Variants in CACNA2D3 observed in about 807,000 individuals in gnomAD.
CACNA2D3 encodes calcium voltage-gated channel auxiliary subunit alpha2delta 3.
In CACNA2D3, 60 loss-of-function variants were observed where a neutral mutation model predicts 160.6. The ratio of observed to expected loss-of-function variants is 0.37; its 90% CI spans 0.30 to 0.46. The LOEUF (loss-of-function observed/expected upper bound fraction) is 0.46. Among genes scored for constraint, CACNA2D3 ranks in the 20% least tolerant of loss-of-function variants. The probability of loss-of-function intolerance (pLI) is 1.00; values close to 1 mark genes in which losing one functional copy is unlikely to be tolerated. For missense variants in CACNA2D3, 1,205 were observed against 1,365.0 expected, an observed-to-expected ratio of 0.88 and a Z score of 1.85; for synonymous variants, 558 against 492.9, an observed-to-expected ratio of 1.13 and a Z score of -1.75.
At chr3:54,911,111 C>T (rs940716355) in intron 27 of CACNA2D3, among the ~76,000 whole-genome samples, 1 of 152,130 alleles carries the variant, frequency 6.6e-6, no homozygotes, top group African/African-American at 2.4e-5. Flanking sequence ...ATAAATACGT[C>T]AGCCTACATC....
intron 3 of CACNA2D3, among the ~76,000 whole-genome samples, chr3:54,383,554 T>C (rs770150214): frequency 2.2e-4 from 33 of 152,200 alleles, no homozygotes; most frequent in Non-Finnish European, 4.4e-4. Context: ...GGAAAAAATA[T>C]CTTCATGGAT....
At chr3:54,747,325 G>T (rs1317695697) in intron 11 of CACNA2D3, among the ~76,000 whole-genome samples, 1 of 152,102 alleles carries the variant, frequency 6.6e-6, no homozygotes, top group African/African-American at 2.4e-5. Context: ...GACTCTCACT[G>T]CCCTGGCCAG....
rs1374306103 is a variant in CACNA2D3 at position 54,826,770 on chromosome 3, A to G, written c.1398+9900A>G. Among the ~76,000 whole-genome samples, 21 of 150,862 alleles carry G rather than the reference A, an allele frequency of 1.4e-4. No individual in the cohort carries two copies. In the Admixed American group the frequency reaches 1.4e-3, roughly 10 times the overall value. ...CACCCCCACCAACTGCTTTCATATT[A>G]TTTAACTGTTAAGACCAAGATATTT... On this transcript the variant is annotated intron_variant, in intron 14 of 37. Coordinates refer to ENST00000474759, the MANE Select transcript of CACNA2D3 (RefSeq NM_018398.3).
intron 3 of CACNA2D3, among the ~76,000 whole-genome samples, chr3:54,332,104 T>C (rs532847610): frequency 1.3e-5 from 2 of 152,310 alleles, no homozygotes; most frequent in Non-Finnish European, 2.9e-5. Flanking sequence ...AACTTCGTTC[T>C]AGAAAGAAAG....
chr3:54,866,798 C>T (rs1157327351), intron 17 of CACNA2D3, among the ~76,000 whole-genome samples: 2 of 152,230 alleles, frequency 1.3e-5, no homozygotes, highest in Non-Finnish European at 2.9e-5. Flanking sequence ...CTCTGTGCTG[C>T]AGGCAAGTCC....
chr3:54,702,260 G>C (rs1217488840), intron 11 of CACNA2D3, among the ~76,000 whole-genome samples: 2 of 152,050 alleles, frequency 1.3e-5, no homozygotes, highest in East Asian at 3.9e-4. Context: ...TTGACAAGTG[G>C]GACCTAACTA....
At chr3:54,506,196 C>T (rs1470750400) in intron 5 of CACNA2D3, among the ~76,000 whole-genome samples, 1 of 152,060 alleles carries the variant, frequency 6.6e-6, no homozygotes, top group African/African-American at 2.4e-5. Flanking sequence ...CCTTTTCAAG[C>T]TGCAGGAATA....
intron 4 of CACNA2D3, among the ~76,000 whole-genome samples, chr3:54,489,185 A>C (rs1208417970): frequency 1.3e-5 from 2 of 152,076 alleles, no homozygotes; most frequent in South Asian, 2.1e-4. Context: ...TCCTAAGAGC[A>C]GGAAAAAGTC....
chr3:54,575,293 A>G (rs1047561491), intron 8 of CACNA2D3, among the ~76,000 whole-genome samples: 7 of 151,834 alleles, frequency 4.6e-5, no homozygotes, highest in Non-Finnish European at 4.4e-5. Context: ...ATTTAATTCT[A>G]TGGGTTTTTT....
At chr3:54,477,566 C>A (rs559028689) in intron 4 of CACNA2D3, among the ~76,000 whole-genome samples, 1 of 152,234 alleles carries the variant, frequency 6.6e-6, no homozygotes, top group Admixed American at 6.5e-5. Flanking sequence ...ATTAATCATT[C>A]CCAGAGTTTT....
chr3:54,458,433 G>A (rs1055425740), intron 4 of CACNA2D3, among the ~76,000 whole-genome samples: 3 of 149,342 alleles, frequency 2.0e-5, no homozygotes, highest in Non-Finnish European at 4.4e-5. Flanking sequence ...CAGCTTTTGG[G>A]TATATTTTCT....
At chr3:54,628,836 G>A (rs555659735) in intron 10 of CACNA2D3, among the ~76,000 whole-genome samples, 10 of 152,070 alleles carry the variant, frequency 6.6e-5, no homozygotes, top group South Asian at 4.2e-4. Flanking sequence ...TGACATCAGC[G>A]CCGAGTCACT....
chr3:54,605,029 C>CT (rs948090994), intron 9 of CACNA2D3, among the ~76,000 whole-genome samples: 118 of 152,246 alleles, frequency 7.8e-4, no homozygotes, highest in African/African-American at 2.5e-3. Flanking sequence ...GTAGAGGAAT[C>CT]TTTTTTGGCC....
intron 8 of CACNA2D3, among the ~76,000 whole-genome samples, chr3:54,575,919 TA>T (rs1397544151): frequency 6.8e-4 from 103 of 151,986 alleles, no homozygotes; most frequent in African/African-American, 2.4e-3. Flanking sequence ...CTGGATCACA[TA>T]GGGGGGTGGG....
intron 11 of CACNA2D3, among the ~76,000 whole-genome samples, chr3:54,709,062 T>A (rs1700907023): frequency 6.6e-6 from 1 of 150,994 alleles, no homozygotes; most frequent in Non-Finnish European, 1.5e-5. Flanking sequence ...TAGGCTAGAG[T>A]GCAATGACTC....
chr3:54,132,675 A>G (rs1699736196), intron 2 of CACNA2D3, among the ~76,000 whole-genome samples: 3 of 152,222 alleles, frequency 2.0e-5, no homozygotes, highest in Non-Finnish European at 4.4e-5. Flanking sequence ...AAAAATATGT[A>G]TACTTAGAAA....
chr3:54,335,444 G>T (rs1299291588), intron 3 of CACNA2D3, among the ~76,000 whole-genome samples: 2 of 152,210 alleles, frequency 1.3e-5, no homozygotes, highest in Non-Finnish European at 2.9e-5. Context: ...ACCATATAGG[G>T]TAACTTCCTG....
In CACNA2D3 at chr3:54,885,528, T is replaced by C. The variant is rs185744502; in HGVS notation, c.1998T>C (p.His666=). The C allele has an allele frequency of 2.0e-5, 33 of 1,613,818 alleles. No individual in the cohort carries two copies. The East Asian group carries it at 4.0e-4, about 20-fold the overall frequency. ...CNTDLHPEHR[H]LSQLEAIKLY... ...CTGACCTACACCCTGAGCACCGCCA[T>C]CTGTCTCAGTTAGAAGCGATTAAGC... The change falls in exon 23 of 38, where the codon CAT becomes CAC. Residue 666 remains histidine (H), a synonymous_variant. Transcript: ENST00000474759.
Position 54,769,565 on chromosome 3 carries a change from C to A in CACNA2D3, c.1380+5214C>A, listed in dbSNP as rs149618368. Among the ~76,000 whole-genome samples, 758 of 152,242 alleles carry A rather than the reference C, an allele frequency of 5.0e-3. 3 individuals carry two copies. Among genetic ancestry groups the A allele is most frequent in the South Asian group, 8.9e-3 (43 of 4,824 alleles). ...TAGCCTCTTTGAGTATAGTTTTCCT[C>A]ATTTCTAACATGAGAATACGACCTG... is the stretch of plus-strand genomic sequence containing the variant. On this transcript the variant is annotated intron_variant, in intron 13 of 37. Coordinates refer to ENST00000474759, the MANE Select transcript of CACNA2D3 (RefSeq NM_018398.3).
Sources: gnomAD v4.1 joint callset for allele counts (sites outside exome capture counted in the v4.1 genomes callset) on GRCh38, gnomAD v4.1.1 for gene constraint, MANE v1.5 for transcripts, NCBI Gene and HGNC (gene_info 2026-07-23, HGNC 2026-07-21) for gene names.